Variants in COL25A1 observed in about 807,000 individuals in gnomAD.
COL25A1 encodes the protein collagen alpha-1(XXV) chain.
COL25A1 carries 103 observed loss-of-function variants against 128.4 expected under a neutral mutation model. The ratio of observed to expected loss-of-function variants is 0.80; its 90% CI spans 0.68 to 0.94. COL25A1 has a LOEUF of 0.94. Ranked by LOEUF, COL25A1 falls within the 40% of genes least tolerant of loss-of-function variation. The pLI is 0.00. For missense variants in COL25A1, 745 were observed against 840.0 expected, an observed-to-expected ratio of 0.89 and a Z score of 1.40; for synonymous variants, 279 against 277.2, an observed-to-expected ratio of 1.01 and a Z score of -0.06.
At chr4:109,135,381 A>C (rs1335337777) in intron 3 of COL25A1, among the ~76,000 whole-genome samples, 1 of 152,202 alleles carries the variant, frequency 6.6e-6, no homozygotes, top group African/African-American at 2.4e-5. Context: ...TCTTTTAAAT[A>C]AAAAAGAAAT....
chr4:108,941,545 A>G, intron 8 of COL25A1, 108 bp from the exon 9 acceptor site: 1 of 752,392 alleles, frequency 1.3e-6, no homozygotes, highest in Non-Finnish European at 2.3e-6. Context: ...TTAGACTTAT[A>G]ATGATTATTA....
intron 5 of COL25A1, among the ~76,000 whole-genome samples, chr4:109,028,401 G>A (rs1345695160): frequency 6.6e-6 from 1 of 152,114 alleles, no homozygotes; most frequent in Non-Finnish European, 1.5e-5. Flanking sequence ...GAGCCACCAT[G>A]CCCTGCCCAT....
rs1741245322 is a variant in COL25A1 at position 108,889,582 on chromosome 4, T to C, written c.939+119A>G. 5.9e-6 allele frequency: 5 copies of C among 852,796 alleles called. No individual in the cohort carries two copies. The Admixed American group carries it at 9.1e-5, about 16-fold the overall frequency. 52.8% of individuals were successfully genotyped at this position (852,796 alleles called of 1,614,324 possible). ...ATTGTTTTTGGAAGCCCAGTTATTG[T>C]AGGAGAATAAGAACAGAGTTATAAC... On this transcript the variant is annotated intron_variant, in intron 17 of 37. Transcript: ENST00000399132.
intron 3 of COL25A1, among the ~76,000 whole-genome samples, chr4:109,054,373 C>T (rs116459986): frequency 0.011 from 1,704 of 152,248 alleles, 30 homozygotes; most frequent in African/African-American, 0.038. Context: ...ATACTCACTC[C>T]GCCCCATTTG....
At chr4:109,065,545 C>CGCGCGTGT (rs771855567) in intron 3 of COL25A1, among the ~76,000 whole-genome samples, 8 of 141,192 alleles carry the variant, frequency 5.7e-5, no homozygotes, top group African/African-American at 1.6e-4. Flanking sequence ...CGCGCGCGCG[C>CGCGCGTGT]GTGTGTGTGT....
Position 108,889,691 on chromosome 4 carries a change from T to A in COL25A1, c.939+10A>T, listed in dbSNP as rs778545933. On this transcript the variant is annotated intron_variant, in intron 17 of 37. Coordinates refer to ENST00000399132, the MANE Select transcript of COL25A1 (RefSeq NM_198721.4). The stretch of plus-strand genomic sequence containing the variant: ...TCCTGGAGTACAAATACTTGCAAGG[T>A]TATAGTTACCTTAATTCCTGCAGCA... 1 of 1,612,920 alleles carries A rather than the reference T, an allele frequency of 6.2e-7. No homozygotes were observed. The highest frequency in any genetic ancestry group is 2.2e-5 in the East Asian group (1 of 44,836).
intron 3 of COL25A1, among the ~76,000 whole-genome samples, chr4:109,111,510 T>G (rs1767018345): frequency 6.6e-6 from 1 of 152,204 alleles, no homozygotes; most frequent in South Asian, 2.1e-4. Flanking sequence ...GTGCCCTCAC[T>G]GTCTTGCATT....
intron 3 of COL25A1, among the ~76,000 whole-genome samples, chr4:109,184,517 A>T (rs1774965162): frequency 1.3e-5 from 2 of 152,174 alleles, no homozygotes; most frequent in South Asian, 4.1e-4. Context: ...ACACAATGGT[A>T]CTTTCTAGAC....
chr4:109,014,367 T>C (rs1004491953), intron 5 of COL25A1, among the ~76,000 whole-genome samples: 3 of 152,164 alleles, frequency 2.0e-5, no homozygotes, highest in Admixed American at 6.5e-5. Context: ...GCATCTCTTA[T>C]ATGTGTTATG....
chr4:108,832,614 G>T (rs191660773), intron 31 of COL25A1, 181 bp from the exon 32 acceptor site: 2 of 559,104 alleles, frequency 3.6e-6, no homozygotes, highest in South Asian at 2.7e-5. Context: ...CATGCAAAAA[G>T]GATGAAGTAT....
rs1369362493 is a variant in COL25A1, at chr4:108,859,570, G to T, written c.1320+86C>A. The T allele has an allele frequency of 6.9e-5, 72 of 1,050,870 alleles. 2 individuals are homozygous for T. In the East Asian group the frequency reaches 1.9e-3, roughly 27 times the overall value. The allele number at this position is 1,050,870 out of a possible 1,614,324, so 65.1% of individuals were successfully genotyped here. A position where few individuals can be genotyped will look rare whatever the true frequency, so the allele number is the denominator to read the frequency against. On this transcript the variant is annotated intron_variant, in intron 24 of 37. Coordinates refer to ENST00000399132, the MANE Select transcript of COL25A1 (RefSeq NM_198721.4). ...CAGTGGAGTCCTCTGAGGATAGAGG[G>T]TGTGGAAGCTCATATTTGCACACAT... is the stretch of plus-strand genomic sequence containing the variant.
intron 2 of COL25A1, 61 bp downstream of exon 2, chr4:109,301,662 C>A: frequency 6.4e-7 from 1 of 1,554,006 alleles, no homozygotes; most frequent in South Asian, 1.2e-5. Context: ...GCTAGTCATG[C>A]ACACAGAGTC....
At chr4:109,046,279 A>G (rs1339016246) in intron 5 of COL25A1, among the ~76,000 whole-genome samples, 9 of 152,164 alleles carry the variant, frequency 5.9e-5, no homozygotes, top group Non-Finnish European at 8.8e-5. Context: ...TCTTATTTCT[A>G]TGTAATAAGA....
At chr4:109,113,443 A>C (rs778862407) in intron 3 of COL25A1, among the ~76,000 whole-genome samples, 11 of 152,140 alleles carry the variant, frequency 7.2e-5, no homozygotes, top group Admixed American at 2.6e-4. Context: ...GTGTGATCTC[A>C]AATGTAATTT....
At chr4:109,254,089 GAA>G (rs536937780) in intron 3 of COL25A1, among the ~76,000 whole-genome samples, 2 of 68,536 alleles carry the variant, frequency 2.9e-5, no homozygotes, top group African/African-American at 5.2e-5. Context: ...TCCGTCTCAA[GAA>G]AAAAAAAAAA....
intron 6 of COL25A1, among the ~76,000 whole-genome samples, chr4:108,983,186 G>T (rs1383146016): frequency 6.6e-6 from 1 of 151,738 alleles, no homozygotes; most frequent in Non-Finnish European, 1.5e-5. Flanking sequence ...GTTTAACTTT[G>T]ATTTTTTTTT....
At chr4:109,070,640 A>G (rs1431503441) in intron 3 of COL25A1, among the ~76,000 whole-genome samples, 2 of 149,538 alleles carry the variant, frequency 1.3e-5, no homozygotes, top group Non-Finnish European at 3.0e-5. Context: ...GCACCCATTA[A>G]CTCGTCATTT....
At chr4:109,156,702 A>C (rs2704112) in intron 3 of COL25A1, among the ~76,000 whole-genome samples, 100,430 of 152,084 alleles carry the variant, frequency 0.66, 33,454 homozygotes, top group East Asian at 0.75. Context: ...ATAAATCACA[A>C]AGATACAAGA....
intron 8 of COL25A1, among the ~76,000 whole-genome samples, chr4:108,959,964 G>T (rs1051685418): frequency 2.0e-5 from 3 of 151,978 alleles, no homozygotes; most frequent in Non-Finnish European, 2.9e-5. Flanking sequence ...TAAAATTTTT[G>T]AATAATTGCA....
Sources: allele counts gnomAD v4.1 joint callset (sites outside exome capture counted in the v4.1 genomes callset), GRCh38; gene constraint gnomAD v4.1.1; transcripts MANE v1.5; gene names NCBI Gene and HGNC (gene_info 2026-07-23, HGNC 2026-07-21).